ITPR1: variants seen among roughly 807,000 people sequenced by gnomAD.
ITPR1 encodes inositol 1,4,5-trisphosphate-gated calcium channel ITPR1.
ITPR1 carries 96 observed loss-of-function variants against 318.4 expected under a neutral mutation model. The ratio of observed to expected loss-of-function variants is 0.30; its 90% CI spans 0.26 to 0.36. The LOEUF (loss-of-function observed/expected upper bound fraction) is 0.36. Ranked by LOEUF, ITPR1 falls within the 10% of genes least tolerant of loss-of-function variation. The probability of loss-of-function intolerance (pLI) is 1.00; values close to 1 mark genes in which losing one functional copy is unlikely to be tolerated. For synonymous variants in ITPR1, 1,312 were observed against 1,289.9 expected (o/e 1.02, Z -0.37); for missense variants, 2,440 against 3,460.2 (o/e 0.71, Z 7.40).
intron 10 of ITPR1, among the ~76,000 whole-genome samples, chr3:4,646,640 A>G (rs1390245071): frequency 6.6e-6 from 1 of 152,204 alleles, no homozygotes; most frequent in African/African-American, 2.4e-5. Context: ...TGTGCAACTT[A>G]AAGAAGCTAG....
At chr3:4,551,219 G>A (rs907503344) in intron 4 of ITPR1, among the ~76,000 whole-genome samples, 1 of 152,150 alleles carries the variant, frequency 6.6e-6, no homozygotes, top group African/African-American at 2.4e-5. Flanking sequence ...GTCTTGGTCT[G>A]CTTGTAACAA....
chr3:4,711,217 A>AG (rs1296631241), intron 38 of ITPR1, among the ~76,000 whole-genome samples: 1 of 139,670 alleles, frequency 7.2e-6, no homozygotes, highest in Non-Finnish European at 1.5e-5. Context: ...TCTCAAAAAA[A>AG]AAAAAAAAAA....
At chr3:4,772,144 C>T (rs1368782375) in intron 46 of ITPR1, among the ~76,000 whole-genome samples, 4 of 152,212 alleles carry the variant, frequency 2.6e-5, no homozygotes, top group Admixed American at 2.0e-4. Context: ...TTAAGCAGGA[C>T]TCAGCCACTC....
At chr3:4,496,080 A>T (rs1246889728) in intron 2 of ITPR1, among the ~76,000 whole-genome samples, 1 of 152,200 alleles carries the variant, frequency 6.6e-6, no homozygotes, top group African/African-American at 2.4e-5. Flanking sequence ...ACCACAAGGA[A>T]CATTATGTAA....
chr3:4,780,736 T>C (rs190065984), intron 49 of ITPR1, among the ~76,000 whole-genome samples: 1 of 152,304 alleles, frequency 6.6e-6, no homozygotes, highest in Admixed American at 6.5e-5. Context: ...AAGGCCTCTC[T>C]GAGTTTACAT....
chr3:4,606,338 T>A (rs576262359), intron 4 of ITPR1, among the ~76,000 whole-genome samples: 1 of 152,134 alleles, frequency 6.6e-6, no homozygotes, highest in African/African-American at 2.4e-5. Context: ...ATGAAGGGTG[T>A]CCCAGGTAGA....
chr3:4,813,977 T>C (rs1197668350), intron 57 of ITPR1, among the ~76,000 whole-genome samples: 3 of 152,202 alleles, frequency 2.0e-5, no homozygotes, highest in Non-Finnish European at 4.4e-5. Flanking sequence ...TGTAAAGCAG[T>C]TGATCCAGAG....
chr3:4,720,215 A>T (rs2042051133), intron 40 of ITPR1, among the ~76,000 whole-genome samples: 1 of 152,220 alleles, frequency 6.6e-6, no homozygotes, highest in African/African-American at 2.4e-5. Flanking sequence ...TGGAGATTAC[A>T]GTTTTGTGGG....
At position 4,847,381 on chromosome 3, in the gene ITPR1, A is replaced by G. The variant is rs73099961; in HGVS notation, c.*1156A>G. On this transcript the variant is annotated 3_prime_UTR_variant, in exon 62 of 62. Coordinates refer to ENST00000649015, the MANE Select transcript of ITPR1 (RefSeq NM_001378452.1). ...TTTTGTACATGGATCTCATTTTACA[A>G]GAGAATCTCTCTGCAAAAAAAAAAA... 1.6e-5 allele frequency: 2 copies of G among 123,616 alleles called. No individual in the cohort carries two copies. Among genetic ancestry groups the G allele is most frequent in the African/African-American group, 3.0e-5 (1 of 32,910 alleles). The allele number at this position is 123,616 out of a possible 1,614,324, so 7.7% of individuals were successfully genotyped here.
intron 4 of ITPR1, among the ~76,000 whole-genome samples, chr3:4,606,554 A>C (rs2091717529): frequency 6.6e-6 from 1 of 152,070 alleles, no homozygotes; most frequent in African/African-American, 2.4e-5. Flanking sequence ...TTGGTATGTA[A>C]AGGGCAAGAG....
At chr3:4,674,526 T>G (rs1259856667) in intron 22 of ITPR1, among the ~76,000 whole-genome samples, 183 bp downstream of exon 22, 1 of 152,218 alleles carries the variant, frequency 6.6e-6, no homozygotes. Flanking sequence ...GTCACATGGC[T>G]TAATAGTAGT....
At chr3:4,783,013 T>C (rs1208847438) in intron 50 of ITPR1, among the ~76,000 whole-genome samples, 1 of 152,196 alleles carries the variant, frequency 6.6e-6, no homozygotes, top group African/African-American at 2.4e-5. Flanking sequence ...ACTTGGATGG[T>C]TTATGACTCT....
intron 9 of ITPR1, 23 bp from the exon 10 acceptor site, chr3:4,645,559 T>G: frequency 6.2e-7 from 1 of 1,611,902 alleles, no homozygotes; most frequent in South Asian, 1.1e-5. Flanking sequence ...TTTTCCTTAA[T>G]TCTTTCTTGT....
In ITPR1 at chr3:4,714,189, T is replaced by C. The variant is rs548810520; in HGVS notation, c.5103+2321T>C. Among the ~76,000 whole-genome samples the C allele has an allele frequency of 3.9e-5, 6 of 152,316 alleles. No individual in the cohort carries two copies. The South Asian group carries it at 6.2e-4, about 16-fold the overall frequency. On this transcript the variant is annotated intron_variant, in intron 39 of 61. Coordinates refer to ENST00000649015, the MANE Select transcript of ITPR1 (RefSeq NM_001378452.1). ...CATGACGCACAGGGCAGGCCGACTT[T>C]TTCAAGGGCAGAAATAACCCGGAGC...
Position 4,662,095 on chromosome 3 carries a change from C to T in ITPR1, c.1265C>T (p.Pro422Leu), listed in dbSNP as rs754059675. The T allele has an allele frequency of 6.2e-7, 1 of 1,613,228 alleles. No individual in the cohort carries two copies. The highest frequency in any genetic ancestry group is 1.1e-5 in the South Asian group (1 of 90,948). ...CTTGAATTTCAGATTGGCACCTCTC[C>T]TGTGAAGGAGGATAAGGAAGCATTT... is the stretch of plus-strand genomic sequence containing the variant. ...KPVMLKIGTS[P>L]VKEDKEAFAI... The change falls in exon 15 of 62, where the codon CCT (proline) becomes CTT (leucine). Residue 422 changes from proline to leucine, a missense_variant. Physicochemically the swap from Pro to Leu is moderately conservative, Grantham distance 98. Transcript: ENST00000649015.
At chr3:4,697,469 T>TTTTTTTTTTTTTA (rs1559719610) in intron 34 of ITPR1, among the ~76,000 whole-genome samples, 197 bp downstream of exon 34, 1 of 148,994 alleles carries the variant, frequency 6.7e-6, no homozygotes, top group African/African-American at 2.5e-5. Flanking sequence ...TTTTTTTTTT[T>TTTTTTTTTTTTTA]GAGCTGGAGT....
At chr3:4,712,166 G>A (rs2041421423) in intron 39 of ITPR1, among the ~76,000 whole-genome samples, 2 of 152,196 alleles carry the variant, frequency 1.3e-5, no homozygotes, top group South Asian at 2.1e-4. Context: ...CCAGTGAGGA[G>A]CAAATGCCTC....
chr3:4,525,697 C>A (rs36056991), intron 4 of ITPR1, among the ~76,000 whole-genome samples: 5,803 of 152,234 alleles, frequency 0.038, 152 homozygotes, highest in Middle Eastern at 0.061. Flanking sequence ...TAAGGCAGAA[C>A]CTCCTCTTCT....
intron 49 of ITPR1, among the ~76,000 whole-genome samples, chr3:4,782,159 AAAATGAAGAAATAGT>A (rs1269477688): frequency 6.6e-6 from 1 of 152,216 alleles, no homozygotes; most frequent in Admixed American, 6.5e-5. Context: ...GAAAATTTTA[AAAATGAAGAAATAGT>A]TTCACCAGCT....
Sources: gnomAD v4.1 joint callset for allele counts (sites outside exome capture counted in the v4.1 genomes callset) on GRCh38, gnomAD v4.1.1 for gene constraint, MANE v1.5 for transcripts, NCBI Gene and HGNC (gene_info 2026-07-23, HGNC 2026-07-21) for gene names.